The following HRH1 variants were observed in gnomAD, a reference collection of about 807,000 sequenced individuals.
The protein encoded by HRH1 is histamine receptor H1.
In HRH1, 6 loss-of-function variants were observed where a neutral mutation model predicts 10.3. The observed-to-expected ratio is 0.58, with a 90% CI of 0.32 to 1.15. The LOEUF (loss-of-function observed/expected upper bound fraction) is 1.15, where lower values mean the gene tolerates loss of function less well. HRH1 is among the 50% of genes most tolerant of loss of function. The pLI is 0.05. For synonymous variants in HRH1, 242 were observed against 236.7 expected (o/e 1.02, Z -0.21); for missense variants, 514 against 615.3 (o/e 0.84, Z 1.74).
intron 1 of HRH1, among the ~76,000 whole-genome samples, chr3:11,252,309 C>T (rs924108948): frequency 3.9e-5 from 6 of 152,142 alleles, no homozygotes; most frequent in African/African-American, 4.8e-5. Flanking sequence ...GTTTGTTTTT[C>T]GAGGCCGTTA....
At chr3:11,222,941 C>A (rs1938756170) in intron 1 of HRH1, among the ~76,000 whole-genome samples, 1 of 152,062 alleles carries the variant, frequency 6.6e-6, no homozygotes, top group Admixed American at 6.5e-5. Context: ...AATCCTAGCA[C>A]TTTGGGAGGC....
At chr3:11,256,389 G>C (rs1252338991) in intron 1 of HRH1, among the ~76,000 whole-genome samples, 3 of 151,858 alleles carry the variant, frequency 2.0e-5, no homozygotes, top group Non-Finnish European at 4.4e-5. Context: ...GGTAGAGCTT[G>C]GGCAAAATCA....
At position 11,144,382 on chromosome 3, in the gene HRH1, T is replaced by C. The variant is rs556495800; in HGVS notation, c.-36+6983T>C. 2.4e-3 allele frequency among the ~76,000 whole-genome samples: 357 copies of C among 150,764 alleles called. 2 individuals are homozygous for C. Among genetic ancestry groups the C allele is most frequent in the Middle Eastern group, 0.01 (3 of 288 alleles). On this transcript the variant is annotated intron_variant, in intron 1 of 1. Transcript: ENST00000438284. ...GTGTGTGTGTGTGTATATATATGTC[T>C]ATATGTGTATATATACATATAGACA... is the stretch of plus-strand genomic sequence containing the variant.
intron 1 of HRH1, among the ~76,000 whole-genome samples, chr3:11,144,885 A>G (rs189235821): frequency 1.3e-5 from 2 of 152,044 alleles, no homozygotes; most frequent in Non-Finnish European, 2.9e-5. Flanking sequence ...AATATATAAT[A>G]AATAAATAAA....
At chr3:11,224,566 G>T (rs1233513677) in intron 1 of HRH1, among the ~76,000 whole-genome samples, 2 of 152,174 alleles carry the variant, frequency 1.3e-5, no homozygotes, top group African/African-American at 4.8e-5. Context: ...CGAGCATGGT[G>T]GTGGGCACCT....
At chr3:11,208,146 G>T (rs1938203530) in intron 1 of HRH1, among the ~76,000 whole-genome samples, 1 of 143,264 alleles carries the variant, frequency 7.0e-6, no homozygotes, top group African/African-American at 2.5e-5. Flanking sequence ...ATTGACTCCA[G>T]TTTTTTCTTT....
chr3:11,158,126 C>T (rs1220154246), intron 1 of HRH1, among the ~76,000 whole-genome samples: 1 of 152,210 alleles, frequency 6.6e-6, no homozygotes, highest in African/African-American at 2.4e-5. Flanking sequence ...ATATAGCACC[C>T]ACCTTACAGG....
chr3:11,252,612 A>G (rs1939681702), intron 1 of HRH1: 1 of 152,244 alleles, frequency 6.6e-6, no homozygotes, highest in Non-Finnish European at 1.5e-5. Context: ...CCCAGAAGGC[A>G]TCATTTAAAT....
intron 1 of HRH1, among the ~76,000 whole-genome samples, chr3:11,208,559 A>G (rs1938218029): frequency 6.6e-6 from 1 of 152,230 alleles, no homozygotes; most frequent in Non-Finnish European, 1.5e-5. Flanking sequence ...TTCTACCAAG[A>G]TAAAGCCACT....
At chr3:11,225,258 C>T (rs1456710568) in intron 1 of HRH1, among the ~76,000 whole-genome samples, 3 of 152,250 alleles carry the variant, frequency 2.0e-5, no homozygotes, top group Non-Finnish European at 4.4e-5. Context: ...TGGATGCCTT[C>T]ATTTCCTTTT....
At chr3:11,224,293 T>C (rs1381694495) in intron 1 of HRH1, among the ~76,000 whole-genome samples, 4 of 152,180 alleles carry the variant, frequency 2.6e-5, no homozygotes, top group Non-Finnish European at 4.4e-5. Context: ...TACACACTGA[T>C]AGCTTATCAG....
At chr3:11,143,442 C>A (rs1936335118) in intron 1 of HRH1, among the ~76,000 whole-genome samples, 1 of 152,236 alleles carries the variant, frequency 6.6e-6, no homozygotes, top group African/African-American at 2.4e-5. Flanking sequence ...AGCTCACCAT[C>A]TATCCAACTC....
chr3:11,154,901 C>T lies in HRH1; in HGVS notation c.-36+347C>T, dbSNP rs1574977830. Among the ~76,000 whole-genome samples, 3 of 152,310 alleles carry T rather than the reference C, an allele frequency of 2.0e-5. No homozygotes were observed. The East Asian group carries it at 5.8e-4, about 29-fold the overall frequency. ...GGAGCCTCGTTTTCTTTGAGCCTCCCCAGGGTCTGAGTTCGCTGCTAACCG... is the reference window on the plus strand; with the variant it reads ...GGAGCCTCGTTTTCTTTGAGCCTCCTCAGGGTCTGAGTTCGCTGCTAACCG... On this transcript the variant is annotated intron_variant, in intron 1 of 1. Transcript: ENST00000431010. The surrounding 1 kb of genome is among the most constrained non-coding windows in gnomAD (Gnocchi z 4.4).
At chr3:11,214,429 C>G (rs1938426050) in intron 1 of HRH1, among the ~76,000 whole-genome samples, 1 of 152,198 alleles carries the variant, frequency 6.6e-6, no homozygotes, top group South Asian at 2.1e-4. Flanking sequence ...TGGGATATCA[C>G]ATCCAAAAGA....
intron 1 of HRH1, among the ~76,000 whole-genome samples, chr3:11,211,979 A>G (rs1162866146): frequency 2.6e-5 from 4 of 152,082 alleles, no homozygotes; most frequent in Non-Finnish European, 5.9e-5. Flanking sequence ...CTGCATTTTA[A>G]CGTACGCACT....
intron 1 of HRH1, among the ~76,000 whole-genome samples, chr3:11,190,382 T>C (rs900593598): frequency 6.6e-6 from 1 of 151,016 alleles, no homozygotes; most frequent in Non-Finnish European, 1.5e-5. Flanking sequence ...AATTAATTAA[T>C]TTATTTATTT....
At chr3:11,242,590 CG>C (rs1939379308) in intron 1 of HRH1, among the ~76,000 whole-genome samples, 1 of 151,458 alleles carries the variant, frequency 6.6e-6, no homozygotes, top group South Asian at 2.1e-4. Flanking sequence ...GAACCAACTC[CG>C]GACACACTAC....
At chr3:11,182,137 C>T (rs989641427) in intron 1 of HRH1, among the ~76,000 whole-genome samples, 8 of 151,744 alleles carry the variant, frequency 5.3e-5, no homozygotes, top group African/African-American at 1.2e-4. Flanking sequence ...TGCCTGCCAC[C>T]GCACCTGGCT....
intron 1 of HRH1, among the ~76,000 whole-genome samples, chr3:11,146,724 G>T (rs1280212742): frequency 6.6e-6 from 1 of 152,192 alleles, no homozygotes; most frequent in East Asian, 1.9e-4. Context: ...GCACTTCCTA[G>T]GCGGACACTC....
Sources: allele counts gnomAD v4.1 joint callset (sites outside exome capture counted in the v4.1 genomes callset), GRCh38; gene constraint gnomAD v4.1.1; non-coding constraint Gnocchi (gnomAD v3.1); transcripts MANE v1.5; gene names NCBI Gene and HGNC (gene_info 2026-07-23, HGNC 2026-07-21).